The following SYCP1 variants were observed in gnomAD, a reference collection of about 807,000 sequenced individuals.
SYCP1 encodes cancer/testis antigen 8.
In SYCP1, 64 loss-of-function variants were observed where a neutral mutation model predicts 153.1. The observed-to-expected ratio is 0.42, with a 90% CI of 0.34 to 0.51. The LOEUF (loss-of-function observed/expected upper bound fraction) is 0.51. SYCP1 is among the 20% of genes least tolerant of loss of function. The pLI is 0.06. For synonymous variants in SYCP1, 384 were observed against 341.8 expected, an observed-to-expected ratio of 1.12 and a Z score of -1.36; for missense variants, 997 against 1,049.0, an observed-to-expected ratio of 0.95 and a Z score of 0.68.
At chr1:114,980,203 C>A (rs972735024) in intron 28 of SYCP1, among the ~76,000 whole-genome samples, 5 of 151,798 alleles carry the variant, frequency 3.3e-5, no homozygotes, top group Admixed American at 2.0e-4. Context: ...CTTACAATTT[C>A]CTTATGAATA....
chr1:114,878,108 G>T lies in SYCP1; in HGVS notation c.816G>T (p.Leu272Phe). The change falls in exon 12 of 32, where the codon TTG becomes TTT. Residue 272 changes from leucine to phenylalanine, a missense_variant. Around this residue, in one of 2 missense-constraint regions of SYCP1, gnomAD observed 285 missense variants for 366.1 expected, o/e 0.78. Transcript: ENST00000369522. ...NDKEKQVSLLLIQITEKENKM... is the reference protein window; with the variant it reads ...NDKEKQVSLLFIQITEKENKM... ...AAATATTTTAGGTATCACTACTATTGATCCAAATCACTGAGAAAGAAAATA... is the reference window on the plus strand; with the variant it reads ...AAATATTTTAGGTATCACTACTATTTATCCAAATCACTGAGAAAGAAAATA... 1 of 1,568,062 alleles carries T rather than the reference G, an allele frequency of 6.4e-7. No homozygotes were observed. Among genetic ancestry groups the T allele is most frequent in the South Asian group, 1.1e-5 (1 of 88,038 alleles).
rs572528296 is a variant in SYCP1 at position 114,907,621 on chromosome 1, G to T, written c.1321-2776G>T. ...TTTTTAGATGGAGTCTTGCTCTGTTGCCCAGGCTGGAGTGCAGTGGCATGA... is the reference window on the plus strand; with the variant it reads ...TTTTTAGATGGAGTCTTGCTCTGTTTCCCAGGCTGGAGTGCAGTGGCATGA... On this transcript the variant is annotated intron_variant, in intron 16 of 31. Coordinates refer to ENST00000369522, the MANE Select transcript of SYCP1 (RefSeq NM_003176.4). 5.8e-5 allele frequency among the ~76,000 whole-genome samples: 8 copies of T among 138,394 alleles called. No individual in the cohort carries two copies. The East Asian group carries it at 1.7e-3, about 29-fold the overall frequency. The allele number at this position is 138,394 out of a possible 152,430, so 90.8% of individuals were successfully genotyped here.
chr1:114,985,810 A>G (rs1255792439), intron 30 of SYCP1, among the ~76,000 whole-genome samples: 1 of 151,844 alleles, frequency 6.6e-6, no homozygotes, highest in Non-Finnish European at 1.5e-5. Context: ...AGATTACTTT[A>G]ATTATTTCTT....
chr1:114,910,885 C>T (rs932302641), intron 17 of SYCP1, among the ~76,000 whole-genome samples: 2 of 152,044 alleles, frequency 1.3e-5, no homozygotes, highest in African/African-American at 2.4e-5. Context: ...GGCTCATCCC[C>T]TCAAGTAGCT....
intron 9 of SYCP1, among the ~76,000 whole-genome samples, chr1:114,874,922 T>C (rs1665405845): frequency 6.6e-6 from 1 of 152,210 alleles, no homozygotes; most frequent in African/African-American, 2.4e-5. Flanking sequence ...TTGTCCACTT[T>C]GCTTTTCTGC....
chr1:114,975,381 G>A (rs1375276834), intron 27 of SYCP1, among the ~76,000 whole-genome samples: 1 of 150,044 alleles, frequency 6.7e-6, no homozygotes, highest in Non-Finnish European at 1.5e-5. Context: ...TGATTTGGAA[G>A]GTATATGTAG....
chr1:114,873,182 G>A (rs1665275649), intron 8 of SYCP1, among the ~76,000 whole-genome samples: 1 of 152,162 alleles, frequency 6.6e-6, no homozygotes, highest in African/African-American at 2.4e-5. Flanking sequence ...TCTTGTCAAA[G>A]TGTATTTTTT....
intron 30 of SYCP1, among the ~76,000 whole-genome samples, chr1:114,987,120 G>A (rs1673568496): frequency 6.6e-6 from 1 of 151,148 alleles, no homozygotes; most frequent in Non-Finnish European, 1.5e-5. Context: ...TTACCCTTTG[G>A]GAAGCCAGGC....
intron 16 of SYCP1, chr1:114,910,079 A>C (rs1668079592): frequency 6.1e-6 from 1 of 164,178 alleles, no homozygotes; most frequent in Non-Finnish European, 1.3e-5. Flanking sequence ...TTATAAAATC[A>C]TTGTGATGTC....
intron 8 of SYCP1, 69 bp from the exon 9 acceptor site, chr1:114,874,437 C>A: frequency 2.3e-6 from 2 of 871,670 alleles, no homozygotes. Context: ...TTTCTGGAGG[C>A]ATTTTGAGTA....
At chr1:114,891,053 C>T (rs1666673487) in intron 15 of SYCP1, among the ~76,000 whole-genome samples, 1 of 152,126 alleles carries the variant, frequency 6.6e-6, no homozygotes, top group Non-Finnish European at 1.5e-5. Flanking sequence ...TTTAACTAAG[C>T]TTCTGTTTGC....
chr1:114,965,032 A>G (rs1672027914), intron 27 of SYCP1, among the ~76,000 whole-genome samples: 1 of 151,932 alleles, frequency 6.6e-6, no homozygotes, highest in African/African-American at 2.4e-5. Flanking sequence ...GTCCTCTCTT[A>G]TTTCCTTGAG....
In SYCP1 at chr1:114,984,876, T is replaced by C; in HGVS notation, c.2703+8T>C. The stretch of plus-strand genomic sequence containing the variant: ...GAAACTACTGATCTTTTGGTAAAAA[T>C]TTTACAAATAATATTTAGTATTTAT... On this transcript the variant is annotated splice_region_variant and intron_variant, in intron 30 of 31. Transcript: ENST00000369522. 7.7e-7 allele frequency: 1 copy of C among 1,295,066 alleles called. No individual in the cohort carries two copies. Among genetic ancestry groups the C allele is most frequent in the South Asian group, 1.9e-5 (1 of 51,710 alleles). 80.2% of individuals were successfully genotyped at this position (1,295,066 alleles called of 1,614,324 possible).
rs112801718 is a variant in SYCP1, at chr1:114,931,399, A to G, written c.1926+4836A>G. 3.7e-3 allele frequency among the ~76,000 whole-genome samples: 566 copies of G among 152,264 alleles called. 5 individuals are homozygous for G. The highest frequency in any genetic ancestry group is 0.013 in the African/African-American group (537 of 41,586). On this transcript the variant is annotated intron_variant, in intron 23 of 31. Transcript: ENST00000369522. ...GAATTTGACAAAGTCACTGGATACA[A>G]GGTCAATGGCCAAAAATCAATTTTA...
At chr1:114,934,261 T>C (rs1432265162) in intron 23 of SYCP1, among the ~76,000 whole-genome samples, 2 of 152,164 alleles carry the variant, frequency 1.3e-5, no homozygotes, top group African/African-American at 4.8e-5. Context: ...TATTCAACAT[T>C]CTTAAAGAAA....
intron 27 of SYCP1, among the ~76,000 whole-genome samples, chr1:114,951,927 T>G (rs1671134029): frequency 6.6e-6 from 1 of 152,172 alleles, no homozygotes; most frequent in Non-Finnish European, 1.5e-5. Context: ...TTCTTGGAGA[T>G]TTATCCAAGT....
chr1:114,993,557 A>G (rs1467673274), intron 30 of SYCP1, among the ~76,000 whole-genome samples: 2 of 151,460 alleles, frequency 1.3e-5, no homozygotes, highest in Admixed American at 1.3e-4. Flanking sequence ...ATAATGGTAT[A>G]CCTACTTTAT....
chr1:114,864,104 C>T (rs999571676), intron 8 of SYCP1, among the ~76,000 whole-genome samples: 22 of 150,074 alleles, frequency 1.5e-4, no homozygotes, highest in Non-Finnish European at 2.4e-4. Flanking sequence ...CAAAGCTACA[C>T]ATTCTGCACA....
At chr1:114,973,993 A>G (rs1672652706) in intron 27 of SYCP1, among the ~76,000 whole-genome samples, 1 of 151,716 alleles carries the variant, frequency 6.6e-6, no homozygotes, top group Non-Finnish European at 1.5e-5. Context: ...TTTTTTGGAA[A>G]TAGTATACTT....
Sources: allele counts gnomAD v4.1 joint callset (sites outside exome capture counted in the v4.1 genomes callset), GRCh38; gene constraint gnomAD v4.1.1; regional missense constraint gnomAD v4.1.1; transcripts MANE v1.5; gene names NCBI Gene and HGNC (gene_info 2026-07-23, HGNC 2026-07-21).